Variants in DNAJC6 observed in about 807,000 individuals in gnomAD.
DNAJC6 encodes the protein auxilin.
Under a neutral mutation model 110.0 loss-of-function variants are expected in DNAJC6, and 34 were observed. That is an observed-to-expected ratio of 0.31 (90% CI 0.24 to 0.41). The LOEUF (loss-of-function observed/expected upper bound fraction) is 0.41. Among genes scored for constraint, DNAJC6 ranks in the 10% least tolerant of loss-of-function variants. DNAJC6 has a pLI of 1.00. For synonymous variants in DNAJC6, 406 were observed against 437.2 expected, an observed-to-expected ratio of 0.93 and a Z score of 0.89; for missense variants, 1,031 against 1,207.8, an observed-to-expected ratio of 0.85 and a Z score of 2.17.
At chr1:65,355,356 G>T (rs188246280) in intron 1 of DNAJC6, among the ~76,000 whole-genome samples, 1 of 151,414 alleles carries the variant, frequency 6.6e-6, no homozygotes, top group East Asian at 1.9e-4. Flanking sequence ...CTATTGCCTT[G>T]TAAGAGCTGT....
intron 1 of DNAJC6, among the ~76,000 whole-genome samples, chr1:65,275,720 A>G (rs754608319): frequency 6.6e-6 from 1 of 150,692 alleles, no homozygotes; most frequent in Non-Finnish European, 1.5e-5. Flanking sequence ...ACCCTGTCCC[A>G]TATATTCCTT....
At chr1:65,380,305 G>A (rs916629783) in intron 5 of DNAJC6, among the ~76,000 whole-genome samples, 1 of 152,122 alleles carries the variant, frequency 6.6e-6, no homozygotes, top group Non-Finnish European at 1.5e-5. Context: ...CATTAATGCT[G>A]GAAATTTCAA....
At chr1:65,341,196 C>T (rs2101485531) in intron 1 of DNAJC6, among the ~76,000 whole-genome samples, 1 of 152,288 alleles carries the variant, frequency 6.6e-6, no homozygotes, top group Middle Eastern at 3.4e-3. Flanking sequence ...AAGACCGATA[C>T]CAGACACCAA....
At chr1:65,384,076 C>A (rs550729279) in intron 5 of DNAJC6, 117 bp from the exon 6 acceptor site, 27 of 1,241,418 alleles carry the variant, frequency 2.2e-5, no homozygotes, top group Non-Finnish European at 2.7e-5. Context: ...ATGAAAAGCA[C>A]CCACAGTTAA....
rs61733018 is a variant in DNAJC6 at position 65,406,093 on chromosome 1, T to C, written c.2451T>C (p.Pro817=). Residue 817 remains proline, a synonymous_variant, in exon 16 of 19, where the codon CCT becomes CCC. Coordinates refer to ENST00000371069, the MANE Select transcript of DNAJC6 (RefSeq NM_001256864.2). ...PNYNVSFSAM[P]GGQNERGKGS... ...ACAACGTGAGCTTCTCAGCCATGCCTGGGGGCCAGAACGAACGTGGGAAAG... is the reference window on the plus strand; with the variant it reads ...ACAACGTGAGCTTCTCAGCCATGCCCGGGGGCCAGAACGAACGTGGGAAAG... 5 of 1,614,072 alleles carry C rather than the reference T, an allele frequency of 3.1e-6. No homozygotes were observed. The South Asian group carries it at 5.5e-5, about 18-fold the overall frequency.
intron 1 of DNAJC6, among the ~76,000 whole-genome samples, chr1:65,338,578 C>A (rs1347084887): frequency 6.6e-6 from 1 of 152,140 alleles, no homozygotes; most frequent in Non-Finnish European, 1.5e-5. Context: ...AAATTCAAAT[C>A]TTTAAAGCAG....
chr1:65,286,691 T>C (rs964652294), intron 1 of DNAJC6, among the ~76,000 whole-genome samples: 1 of 152,198 alleles, frequency 6.6e-6, no homozygotes, highest in Non-Finnish European at 1.5e-5. Flanking sequence ...TGAATGTAAA[T>C]TTAAAATCTT....
At position 65,388,255 on chromosome 1, in the gene DNAJC6, A is replaced by G. The variant is rs1045174134; in HGVS notation, c.1114-81A>G. 3.3e-6 allele frequency: 4 copies of G among 1,213,918 alleles called. No individual in the cohort carries two copies. The African/African-American group carries it at 5.9e-5, about 18-fold the overall frequency. 75.2% of individuals were successfully genotyped at this position (1,213,918 alleles called of 1,614,324 possible). A position where few individuals can be genotyped will look rare whatever the true frequency, so the allele number is the denominator to read the frequency against. On this transcript the variant is annotated intron_variant, in intron 8 of 18. Coordinates refer to ENST00000371069, the MANE Select transcript of DNAJC6 (RefSeq NM_001256864.2). ...CAGATATTGAAACAGTTGAAGGTGC[A>G]TGTCTCCCCAAAATCTAATCTTTTG... is the stretch of plus-strand genomic sequence containing the variant.
intron 13 of DNAJC6, among the ~76,000 whole-genome samples, chr1:65,397,755 TAGA>T (rs1371165673): frequency 6.6e-6 from 1 of 152,132 alleles, no homozygotes; most frequent in Non-Finnish European, 1.5e-5. Flanking sequence ...TGTGTAAAAA[TAGA>T]AGGGATAAAT....
chr1:65,304,264 C>T (rs988109186), intron 1 of DNAJC6, among the ~76,000 whole-genome samples: 1 of 151,748 alleles, frequency 6.6e-6, no homozygotes, highest in Non-Finnish European at 1.5e-5. Context: ...CCATCAAACA[C>T]CAAGAACAGA....
chr1:65,303,402 C>A (rs1486618663), intron 1 of DNAJC6, among the ~76,000 whole-genome samples: 1 of 152,106 alleles, frequency 6.6e-6, no homozygotes, highest in East Asian at 1.9e-4. Context: ...TTTAAGAAAT[C>A]TTGGGGTATC....
intron 1 of DNAJC6, among the ~76,000 whole-genome samples, chr1:65,293,557 G>A (rs1227351184): frequency 2.0e-5 from 3 of 152,160 alleles, no homozygotes; most frequent in Non-Finnish European, 4.4e-5. Context: ...TTCAAGGAGT[G>A]AAGAAGTGTA....
chr1:65,304,582 C>T (rs1044247237), upstream of DNAJC6, among the ~76,000 whole-genome samples: 9 of 152,154 alleles, frequency 5.9e-5, no homozygotes, highest in Admixed American at 4.6e-4. Context: ...TCCACATCTT[C>T]GATTTTACTG....
At chr1:65,269,603 A>T (rs1173983282) in intron 1 of DNAJC6, among the ~76,000 whole-genome samples, 1 of 152,216 alleles carries the variant, frequency 6.6e-6, no homozygotes, top group Non-Finnish European at 1.5e-5. Context: ...TTTTAGAGAA[A>T]ACTCAAATTC....
chr1:65,343,824 A>G (rs907299181), intron 1 of DNAJC6, among the ~76,000 whole-genome samples: 60 of 152,186 alleles, frequency 3.9e-4, no homozygotes, highest in Non-Finnish European at 1.3e-4. Flanking sequence ...ATTGTGAAGA[A>G]GGAAAAAGGG....
intron 1 of DNAJC6, among the ~76,000 whole-genome samples, chr1:65,275,488 C>T (rs576149044): frequency 1.2e-4 from 18 of 152,246 alleles, no homozygotes; most frequent in South Asian, 4.1e-4. Context: ...CTTTTTTCTT[C>T]GGCTGTTGTT....
rs1008960189 is a variant in DNAJC6 at position 65,413,715 on chromosome 1, C to G, written c.*690C>G. On this transcript the variant is annotated 3_prime_UTR_variant, in exon 19 of 19. Transcript: ENST00000371069. ...AAGAAAATAGGGACTCTGAAGATGT[C>G]GAAATCTTTATTCCTGGTTAGGAAG... 1 of 152,112 alleles carries G rather than the reference C, an allele frequency of 6.6e-6. No individual in the cohort carries two copies. Among genetic ancestry groups the G allele is most frequent in the Admixed American group, 6.5e-5 (1 of 15,276 alleles). 9.4% of individuals were successfully genotyped at this position (152,112 alleles called of 1,614,324 possible).
intron 1 of DNAJC6, among the ~76,000 whole-genome samples, chr1:65,360,578 T>G (rs1645587715): frequency 6.6e-6 from 1 of 152,206 alleles, no homozygotes; most frequent in South Asian, 2.1e-4. Flanking sequence ...GGGAGAATTA[T>G]AAACATTTTA....
intron 1 of DNAJC6, among the ~76,000 whole-genome samples, chr1:65,325,570 A>ACTCCTACTG (rs1645234677): frequency 6.6e-6 from 1 of 151,876 alleles, no homozygotes; most frequent in African/African-American, 2.4e-5. Context: ...GTACTGTACT[A>ACTCCTACTG]CTCCTACTGC....
Sources: gnomAD v4.1 joint callset for allele counts (sites outside exome capture counted in the v4.1 genomes callset) on GRCh38, gnomAD v4.1.1 for gene constraint, MANE v1.5 for transcripts, NCBI Gene and HGNC (gene_info 2026-07-23, HGNC 2026-07-21) for gene names.